Variants in ERC2 observed in about 807,000 individuals in gnomAD.
ERC2 encodes ELKS/RAB6-interacting/CAST family member 2.
In ERC2, 42 loss-of-function variants were observed where a neutral mutation model predicts 114.8. The observed-to-expected ratio is 0.37, with a 90% CI of 0.29 to 0.47. The LOEUF (loss-of-function observed/expected upper bound fraction) is 0.47, where lower values mean the gene tolerates loss of function less well. Among genes scored for constraint, ERC2 ranks in the 20% least tolerant of loss-of-function variants. The pLI is 0.99. For synonymous variants in ERC2, 454 were observed against 425.5 expected, an observed-to-expected ratio of 1.07 and a Z score of -0.82; for missense variants, 939 against 1,150.7, an observed-to-expected ratio of 0.82 and a Z score of 2.66.
At chr3:55,926,486 A>G (rs890160044) in intron 13 of ERC2, among the ~76,000 whole-genome samples, 4 of 151,894 alleles carry the variant, frequency 2.6e-5, no homozygotes, top group African/African-American at 9.7e-5. Context: ...ATCATTTATC[A>G]AGGATTGAAA....
chr3:55,709,809 T>A (rs1007993988), intron 15 of ERC2, among the ~76,000 whole-genome samples: 1 of 152,036 alleles, frequency 6.6e-6, no homozygotes, highest in Non-Finnish European at 1.5e-5. Context: ...GAGCACAGTT[T>A]TGACTCCAGG....
chr3:56,130,811 G>T (rs1249271422), intron 6 of ERC2, among the ~76,000 whole-genome samples: 1 of 152,200 alleles, frequency 6.6e-6, no homozygotes, highest in Non-Finnish European at 1.5e-5. Context: ...GCTAAAATCT[G>T]CAAAAGAGCT....
In ERC2 at chr3:55,897,298, C is replaced by T. The variant is rs117769512; in HGVS notation, c.2404-8749G>A. 2.5e-3 allele frequency among the ~76,000 whole-genome samples: 380 copies of T among 152,258 alleles called. 7 individuals are homozygous for T. The highest frequency in any genetic ancestry group is 0.014 in the East Asian group (73 of 5,188). On this transcript the variant is annotated intron_variant, in intron 13 of 17. Coordinates refer to ENST00000288221, the MANE Select transcript of ERC2 (RefSeq NM_015576.3). Reference sequence around the variant, plus strand: ...TTTCAAGAGGCTTGCTTGGCAAGAGCTGATACTCAAATATTTTGATAAAGC... The same window carrying T: ...TTTCAAGAGGCTTGCTTGGCAAGAGTTGATACTCAAATATTTTGATAAAGC...
intron 17 of ERC2, among the ~76,000 whole-genome samples, chr3:55,672,349 A>AC: frequency 6.6e-6 from 1 of 152,138 alleles, no homozygotes; most frequent in East Asian, 1.9e-4. Context: ...AAAAAAAAAA[A>AC]AAAAAAAGTC....
intron 6 of ERC2, among the ~76,000 whole-genome samples, chr3:56,123,797 TC>T (rs2079723198): frequency 6.6e-6 from 1 of 152,168 alleles, no homozygotes; most frequent in African/African-American, 2.4e-5. Context: ...CTTGACTTCC[TC>T]CCCAACAGGC....
chr3:56,416,268 T>C (rs2061150371), intron 2 of ERC2, among the ~76,000 whole-genome samples: 1 of 152,124 alleles, frequency 6.6e-6, no homozygotes, highest in African/African-American at 2.4e-5. Flanking sequence ...CACCTCCTCC[T>C]GAGGTTTGAA....
At chr3:55,884,931 TA>T (rs749595147) in intron 14 of ERC2, among the ~76,000 whole-genome samples, 10 of 152,012 alleles carry the variant, frequency 6.6e-5, no homozygotes, top group Non-Finnish European at 1.2e-4. Context: ...TTCTGTAGAG[TA>T]AGCAGGGCAG....
intron 14 of ERC2, among the ~76,000 whole-genome samples, chr3:55,788,699 A>T (rs945878774): frequency 2.0e-5 from 3 of 152,206 alleles, no homozygotes; most frequent in Non-Finnish European, 4.4e-5. Flanking sequence ...AGATGTCAAC[A>T]TAAACAGGCT....
chr3:55,828,995 A>G, intron 14 of ERC2, among the ~76,000 whole-genome samples: 1 of 152,044 alleles, frequency 6.6e-6, no homozygotes, highest in Non-Finnish European at 1.5e-5. Context: ...GCTGAGTGTG[A>G]TGGGACATGC....
chr3:56,172,066 G>A (rs1376297563), intron 4 of ERC2, among the ~76,000 whole-genome samples: 1 of 150,240 alleles, frequency 6.7e-6, no homozygotes, highest in Admixed American at 6.6e-5. Context: ...CCAAGTATCA[G>A]GTTTGATTCC....
Position 56,169,560 on chromosome 3 carries a change from A to G in ERC2, c.1149+3886T>C, listed in dbSNP as rs2082518679. 2.0e-5 allele frequency among the ~76,000 whole-genome samples: 3 copies of G among 152,204 alleles called. No individual in the cohort carries two copies. In the South Asian group the frequency reaches 6.2e-4, roughly 31 times the overall value. On this transcript the variant is annotated intron_variant, in intron 4 of 17. Transcript: ENST00000288221. ...GAGGTTGCCTGAAAATAGAGCTCAC[A>G]TGAAGGAAGACAAGATAAGGGATGG...
intron 14 of ERC2, among the ~76,000 whole-genome samples, chr3:55,821,584 G>A (rs2060126115): frequency 6.6e-6 from 1 of 152,182 alleles, no homozygotes; most frequent in Non-Finnish European, 1.5e-5. Context: ...CAAAACTTGA[G>A]AGAACACCAG....
At chr3:56,022,742 T>G (rs547032917) in intron 7 of ERC2, among the ~76,000 whole-genome samples, 14 of 152,110 alleles carry the variant, frequency 9.2e-5, no homozygotes, top group Non-Finnish European at 1.8e-4. Context: ...GAAGGGTTTT[T>G]TTGAGAAATT....
intron 15 of ERC2, among the ~76,000 whole-genome samples, chr3:55,700,656 C>T (rs907466662): frequency 1.3e-5 from 2 of 152,090 alleles, no homozygotes; most frequent in South Asian, 2.1e-4. Context: ...TCCCTAGCCC[C>T]CTTTCTTCAC....
chr3:56,246,768 T>A (rs2051739871), intron 3 of ERC2, among the ~76,000 whole-genome samples: 1 of 152,220 alleles, frequency 6.6e-6, no homozygotes, highest in African/African-American at 2.4e-5. Flanking sequence ...TTTCTCTTTG[T>A]CTTCCCTACT....
At chr3:55,999,565 C>CA (rs1466417303) in intron 10 of ERC2, among the ~76,000 whole-genome samples, 1 of 151,060 alleles carries the variant, frequency 6.6e-6, no homozygotes, top group East Asian at 1.9e-4. Context: ...AATAAACATA[C>CA]AAAAATAAAA....
At chr3:56,200,933 G>C (rs1423673100) in intron 3 of ERC2, among the ~76,000 whole-genome samples, 1 of 152,176 alleles carries the variant, frequency 6.6e-6, no homozygotes, top group African/African-American at 2.4e-5. Flanking sequence ...GCACATCATG[G>C]GAAGCAGCTT....
intron 3 of ERC2, among the ~76,000 whole-genome samples, chr3:56,258,536 C>T (rs1002726226): frequency 8.5e-5 from 13 of 152,164 alleles, no homozygotes; most frequent in African/African-American, 2.4e-5. Flanking sequence ...CCCCTGTAGT[C>T]CCAGCTACTC....
chr3:55,872,350 G>A (rs1232271353), intron 14 of ERC2, among the ~76,000 whole-genome samples: 1 of 152,078 alleles, frequency 6.6e-6, no homozygotes, highest in Non-Finnish European at 1.5e-5. Context: ...TTCCATGCAG[G>A]CTTCTCATGG....
Sources: gnomAD v4.1 joint callset for allele counts (sites outside exome capture counted in the v4.1 genomes callset) on GRCh38, gnomAD v4.1.1 for gene constraint, MANE v1.5 for transcripts, NCBI Gene and HGNC (gene_info 2026-07-23, HGNC 2026-07-21) for gene names.